IGSF21: variants seen among roughly 807,000 people sequenced by gnomAD.
The protein encoded by IGSF21 is immunoglobulin superfamily member 21.
In IGSF21, 28 loss-of-function variants were observed where a neutral mutation model predicts 46.8. That is an observed-to-expected ratio of 0.60 (90% CI 0.44 to 0.82). The LOEUF (loss-of-function observed/expected upper bound fraction) is 0.82, where lower values mean the gene tolerates loss of function less well. Among genes scored for constraint, IGSF21 ranks in the 40% least tolerant of loss-of-function variants. IGSF21 has a pLI of 0.00. For missense variants in IGSF21, 624 were observed against 665.5 expected (o/e 0.94, Z 0.69); for synonymous variants, 284 against 273.6 (o/e 1.04, Z -0.38).
At chr1:18,207,654 C>G (rs2124487493) in intron 1 of IGSF21, among the ~76,000 whole-genome samples, 1 of 152,310 alleles carries the variant, frequency 6.6e-6, no homozygotes, top group South Asian at 2.1e-4. Context: ...TTGCATATCA[C>G]TGGGGAGCTG....
intron 4 of IGSF21, among the ~76,000 whole-genome samples, chr1:18,357,575 G>A (rs2086034434): frequency 6.6e-6 from 1 of 152,014 alleles, no homozygotes; most frequent in African/African-American, 2.4e-5. Context: ...GTGAAGGAAG[G>A]CTTTTATTGG....
At chr1:18,338,563 C>G (rs1288875982) in intron 4 of IGSF21, among the ~76,000 whole-genome samples, 1 of 152,192 alleles carries the variant, frequency 6.6e-6, no homozygotes, top group East Asian at 1.9e-4. Flanking sequence ...AAGCACAGAG[C>G]AGTTCCACCA....
chr1:18,377,809 C>T (rs1044988831), intron 9 of IGSF21, among the ~76,000 whole-genome samples: 1 of 152,164 alleles, frequency 6.6e-6, no homozygotes, highest in Non-Finnish European at 1.5e-5. Context: ...GACCGTGGGG[C>T]TGCGTTCTGA....
intron 2 of IGSF21, among the ~76,000 whole-genome samples, chr1:18,232,516 T>C (rs1257761556): frequency 6.6e-6 from 1 of 152,176 alleles, no homozygotes; most frequent in Non-Finnish European, 1.5e-5. Context: ...GATACTATGA[T>C]TAATTCTATT....
At chr1:18,231,922 C>CGT (rs150869622) in intron 2 of IGSF21, among the ~76,000 whole-genome samples, 32,171 of 136,198 alleles carry the variant, frequency 0.24, 4,073 homozygotes, top group Non-Finnish European at 0.29. Context: ...ATCATTAGAT[C>CGT]GTGTGTGTGT....
At chr1:18,111,135 C>T (rs539522766) in intron 1 of IGSF21, 1 of 152,250 alleles carries the variant, frequency 6.6e-6, no homozygotes, top group Non-Finnish European at 1.5e-5. Flanking sequence ...TATATTTATC[C>T]TCCCTTCACA....
chr1:18,122,862 G>A (rs902343548), intron 1 of IGSF21, among the ~76,000 whole-genome samples: 15 of 151,460 alleles, frequency 9.9e-5, no homozygotes, highest in African/African-American at 3.4e-4. Context: ...CCTGAGCTCA[G>A]GCAATCTGCC....
chr1:18,271,932 C>T (rs559665767), intron 2 of IGSF21, among the ~76,000 whole-genome samples: 1 of 152,188 alleles, frequency 6.6e-6, no homozygotes, highest in South Asian at 2.1e-4. Context: ...GGCAGGGCAG[C>T]ATGGCAATGG....
chr1:18,248,301 A>G (rs1243695708), intron 2 of IGSF21, among the ~76,000 whole-genome samples: 1 of 152,198 alleles, frequency 6.6e-6, no homozygotes, highest in Non-Finnish European at 1.5e-5. Flanking sequence ...ACGCATTTCG[A>G]GCTGCCAGAA....
chr1:18,339,249 C>A (rs554706030), intron 4 of IGSF21, among the ~76,000 whole-genome samples: 1 of 152,154 alleles, frequency 6.6e-6, no homozygotes, highest in African/African-American at 2.4e-5. Flanking sequence ...TGGGCAGGAG[C>A]GGGGCGTCCC....
chr1:18,303,391 G>A (rs765848815), intron 3 of IGSF21, among the ~76,000 whole-genome samples: 5 of 152,092 alleles, frequency 3.3e-5, no homozygotes, highest in East Asian at 1.9e-4. Flanking sequence ...TTCCTCCCCC[G>A]GCAGCCTCCC....
intron 2 of IGSF21, among the ~76,000 whole-genome samples, chr1:18,280,235 C>T (rs571574780): frequency 6.6e-6 from 1 of 152,250 alleles, no homozygotes; most frequent in Admixed American, 6.5e-5. Flanking sequence ...GCCATGCTCC[C>T]GCCCCCCACA....
intron 1 of IGSF21, among the ~76,000 whole-genome samples, chr1:18,143,065 G>A (rs1325252095): frequency 6.6e-6 from 1 of 152,198 alleles, no homozygotes; most frequent in East Asian, 1.9e-4. Context: ...CAGGACTCAT[G>A]AGCCTGACCC....
In IGSF21 at chr1:18,229,450, C is replaced by G. The variant is rs185073714; in HGVS notation, c.183+1440C>G. 9.9e-3 allele frequency among the ~76,000 whole-genome samples: 1,509 copies of G among 152,310 alleles called. 18 individuals carry two copies. Among genetic ancestry groups the G allele is most frequent in the Middle Eastern group, 0.034 (10 of 294 alleles). On this transcript the variant is annotated intron_variant, in intron 2 of 9. Transcript: ENST00000251296. ...GCTTTGAACCAGCCTGTCTTGGCTGCTCTGCTTTGCATTTTCGGTCTCTGA... is the reference window on the plus strand; with the variant it reads ...GCTTTGAACCAGCCTGTCTTGGCTGGTCTGCTTTGCATTTTCGGTCTCTGA...
At chr1:18,333,685 A>G (rs1177329114) in intron 3 of IGSF21, among the ~76,000 whole-genome samples, 1 of 152,164 alleles carries the variant, frequency 6.6e-6, no homozygotes, top group African/African-American at 2.4e-5. Context: ...TTCAATATAG[A>G]AGGGAGGAAA....
At chr1:18,174,141 C>T (rs1331868599) in intron 1 of IGSF21, among the ~76,000 whole-genome samples, 6 of 152,250 alleles carry the variant, frequency 3.9e-5, no homozygotes, top group Middle Eastern at 3.4e-3. Context: ...GGAATCACAC[C>T]GCAAAGACAG....
At chr1:18,201,787 C>T (rs1273904646) in intron 1 of IGSF21, among the ~76,000 whole-genome samples, 1 of 152,216 alleles carries the variant, frequency 6.6e-6, no homozygotes, top group Non-Finnish European at 1.5e-5. Flanking sequence ...ATAGCCAAGT[C>T]TGAGCTGTAC....
intron 1 of IGSF21, among the ~76,000 whole-genome samples, chr1:18,200,015 C>T (rs532243092): frequency 1.9e-4 from 29 of 152,192 alleles, no homozygotes; most frequent in Middle Eastern, 6.8e-3. Context: ...ACCCCAAGCC[C>T]CTGCTCCTTC....
intron 1 of IGSF21, chr1:18,166,869 G>C (rs745531660): frequency 6.5e-6 from 1 of 153,050 alleles, no homozygotes; most frequent in Non-Finnish European, 1.5e-5. Flanking sequence ...AGAGGGCATT[G>C]CAGTGGGAAG....
Sources: gnomAD v4.1 joint callset for allele counts (sites outside exome capture counted in the v4.1 genomes callset) on GRCh38, gnomAD v4.1.1 for gene constraint, MANE v1.5 for transcripts, NCBI Gene and HGNC (gene_info 2026-07-23, HGNC 2026-07-21) for gene names.